The following GPBP1 variants were observed in gnomAD, a reference collection of about 807,000 sequenced individuals.
GPBP1 encodes vasculin.
GPBP1 carries 13 observed loss-of-function variants against 56.5 expected under a neutral mutation model. That is an observed-to-expected ratio of 0.23 (90% CI 0.15 to 0.37). GPBP1 has a LOEUF of 0.37. Among genes scored for constraint, GPBP1 ranks in the 10% least tolerant of loss-of-function variants. The pLI is 1.00. For missense variants in GPBP1, 477 were observed against 572.3 expected, an observed-to-expected ratio of 0.83 and a Z score of 1.70; for synonymous variants, 204 against 188.9, an observed-to-expected ratio of 1.08 and a Z score of -0.66.
intron 6 of GPBP1, among the ~76,000 whole-genome samples, chr5:57,243,370 C>T (rs1231863240): frequency 6.6e-6 from 1 of 151,968 alleles, no homozygotes; most frequent in Non-Finnish European, 1.5e-5. Context: ...TGGCCTAATA[C>T]GAATTCTTAA....
chr5:57,198,260 T>C (rs1054699996), intron 2 of GPBP1, among the ~76,000 whole-genome samples: 1 of 152,242 alleles, frequency 6.6e-6, no homozygotes, highest in Non-Finnish European at 1.5e-5. Context: ...GCTTTCGTTG[T>C]CTAGTTTCAT....
intron 2 of GPBP1, among the ~76,000 whole-genome samples, chr5:57,208,006 G>A (rs1169953431): frequency 6.6e-6 from 1 of 152,094 alleles, no homozygotes; most frequent in East Asian, 1.9e-4. Context: ...ACACGATGGG[G>A]GTGTGACTGG....
At chr5:57,212,832 G>A (rs1167815406) in intron 2 of GPBP1, among the ~76,000 whole-genome samples, 1 of 151,214 alleles carries the variant, frequency 6.6e-6, no homozygotes, top group Non-Finnish European at 1.5e-5. Context: ...ACCACACCTA[G>A]CTAATTTTTT....
intron 6 of GPBP1, among the ~76,000 whole-genome samples, chr5:57,236,690 C>T (rs1756676827): frequency 6.6e-6 from 1 of 151,782 alleles, no homozygotes; most frequent in African/African-American, 2.4e-5. Context: ...ATTTAGACAG[C>T]TTTTTTAAAG....
intron 2 of GPBP1, among the ~76,000 whole-genome samples, chr5:57,179,063 G>A (rs1043166181): frequency 1.3e-5 from 2 of 152,188 alleles, no homozygotes. Flanking sequence ...CTGGGAGAAA[G>A]TTACTTTGTT....
chr5:57,225,856 G>C (rs1380012119), intron 3 of GPBP1, among the ~76,000 whole-genome samples: 1 of 152,168 alleles, frequency 6.6e-6, no homozygotes, highest in Non-Finnish European at 1.5e-5. Context: ...TGCTACTCCT[G>C]ATGCCATCAA....
Position 57,175,760 on chromosome 5 carries a change from A to G in GPBP1, c.-698A>G, listed in dbSNP as rs1267934973. ...CCCCGTTGTTGGGGTTCTTCAGCCG[A>G]AACTGAGAGACGTTGATTTGTGTAC... is the stretch of plus-strand genomic sequence containing the variant. On this transcript the variant is annotated 5_prime_UTR_variant, in exon 2 of 12. Coordinates refer to ENST00000506184, the MANE Select transcript of GPBP1 (RefSeq NM_022913.4). 1 of 396,792 alleles carries G rather than the reference A, an allele frequency of 2.5e-6. No homozygotes were observed. 24.6% of individuals were successfully genotyped at this position (396,792 alleles called of 1,614,324 possible). A position where few individuals can be genotyped will look rare whatever the true frequency, so the allele number is the denominator to read the frequency against.
intron 3 of GPBP1, among the ~76,000 whole-genome samples, chr5:57,215,383 C>T (rs1255121977): frequency 2.0e-5 from 3 of 152,194 alleles, no homozygotes; most frequent in African/African-American, 7.2e-5. Context: ...CTGTGTCTTT[C>T]CCCATCTTTC....
At chr5:57,190,694 CTTT>C (rs773540051) in intron 2 of GPBP1, among the ~76,000 whole-genome samples, 9 of 68,850 alleles carry the variant, frequency 1.3e-4, no homozygotes, top group Non-Finnish European at 2.0e-4. Context: ...TTGCTGTTAG[CTTT>C]TTTTTTTTTT....
intron 2 of GPBP1, among the ~76,000 whole-genome samples, chr5:57,189,003 T>G (rs1272011336): frequency 6.6e-6 from 1 of 152,162 alleles, no homozygotes; most frequent in Non-Finnish European, 1.5e-5. Context: ...TCTGTCTGTC[T>G]TTCTTTGCGA....
At chr5:57,254,282 TG>T in intron 10 of GPBP1, among the ~76,000 whole-genome samples, 1 of 152,224 alleles carries the variant, frequency 6.6e-6, no homozygotes, top group African/African-American at 2.4e-5. Flanking sequence ...TTTATCTTTC[TG>T]TCTTTAATCA....
intron 1 of GPBP1, 104 bp from the exon 2 acceptor site, chr5:57,175,344 A>G (rs966312598): frequency 1.0e-5 from 4 of 388,528 alleles, no homozygotes; most frequent in African/African-American, 8.3e-5. Context: ...GTAGGGTTAT[A>G]TAGAAGTGAT....
intron 3 of GPBP1, among the ~76,000 whole-genome samples, chr5:57,229,973 T>TCCCGTCCCGTCCCGTCCCGTCCCGTCCCC (rs1756378079): frequency 2.4e-5 from 2 of 82,614 alleles, no homozygotes; most frequent in African/African-American, 1.0e-4. Context: ...GTCCCGTCCC[T>TCCCGTCCCGTCCCGTCCCGTCCCGTCCCC]TCTCACATGC....
chr5:57,264,445 C>G lies in GPBP1; in HGVS notation c.*1693C>G, dbSNP rs900114220. On this transcript the variant is annotated 3_prime_UTR_variant, in exon 12 of 12. Coordinates refer to ENST00000506184, the MANE Select transcript of GPBP1 (RefSeq NM_022913.4). ...CAGATACAACCTGTATTTCCAAAAACAAGCTAGAAGGAACCTGAGGAATGT... is the reference window on the plus strand; with the variant it reads ...CAGATACAACCTGTATTTCCAAAAAGAAGCTAGAAGGAACCTGAGGAATGT... 6.6e-6 allele frequency: 1 copy of G among 152,098 alleles called. No individual in the cohort carries two copies. The highest frequency in any genetic ancestry group is 6.6e-5 in the Admixed American group (1 of 15,260). 9.4% of individuals were successfully genotyped at this position (152,098 alleles called of 1,614,324 possible).
chr5:57,208,974 G>A (rs1755360452), intron 2 of GPBP1, among the ~76,000 whole-genome samples: 1 of 152,070 alleles, frequency 6.6e-6, no homozygotes, highest in South Asian at 2.1e-4. Flanking sequence ...TTTCTGTTTA[G>A]GTCTTTTAAC....
At chr5:57,254,316 G>A (rs937201981) in intron 10 of GPBP1, among the ~76,000 whole-genome samples, 1 of 152,026 alleles carries the variant, frequency 6.6e-6, no homozygotes, top group Non-Finnish European at 1.5e-5. Flanking sequence ...TTATCTTCGT[G>A]GTTACTTTTG....
At chr5:57,176,857 T>A (rs768890770) in intron 2 of GPBP1, among the ~76,000 whole-genome samples, 1 of 152,198 alleles carries the variant, frequency 6.6e-6, no homozygotes, top group Non-Finnish European at 1.5e-5. Context: ...TAGTGTTGCA[T>A]TTGGAGTTAC....
At chr5:57,210,112 A>C (rs758733461) in intron 2 of GPBP1, among the ~76,000 whole-genome samples, 4 of 152,178 alleles carry the variant, frequency 2.6e-5, no homozygotes, top group Admixed American at 6.5e-5. Context: ...GAAATAAAAC[A>C]TAACAAGAAA....
At chr5:57,186,635 A>G (rs892581014) in intron 2 of GPBP1, among the ~76,000 whole-genome samples, 1 of 152,082 alleles carries the variant, frequency 6.6e-6, no homozygotes, top group African/African-American at 2.4e-5. Flanking sequence ...CAGTGGCGTA[A>G]TTAACAGGTC....
Sources: allele counts gnomAD v4.1 joint callset (sites outside exome capture counted in the v4.1 genomes callset), GRCh38; gene constraint gnomAD v4.1.1; transcripts MANE v1.5; gene names NCBI Gene and HGNC (gene_info 2026-07-23, HGNC 2026-07-21).